Variants in HPSE2 observed in about 807,000 individuals in gnomAD.
HPSE2 encodes the protein inactive heparanase-2.
In HPSE2, 38 loss-of-function variants were observed where a neutral mutation model predicts 60.5. That is an observed-to-expected ratio of 0.63 (90% confidence interval 0.48 to 0.82). HPSE2 has a LOEUF of 0.82. Among genes scored for constraint, HPSE2 ranks in the 40% least tolerant of loss-of-function variants. The pLI, the probability that HPSE2 is intolerant of heterozygous loss-of-function variation, is 0.00. For synonymous variants in HPSE2, 295 were observed against 293.2 expected (o/e 1.01, Z -0.06); for missense variants, 713 against 740.4 (o/e 0.96, Z 0.43).
chr10:98,970,687 T>C (rs901234139), intron 3 of HPSE2, among the ~76,000 whole-genome samples: 1 of 152,180 alleles, frequency 6.6e-6, no homozygotes, highest in East Asian at 1.9e-4. Context: ...ACTTTTCTGA[T>C]TGTATCAAGT....
At chr10:98,964,531 T>C (rs1274222459) in intron 3 of HPSE2, among the ~76,000 whole-genome samples, 1 of 152,146 alleles carries the variant, frequency 6.6e-6, no homozygotes, top group East Asian at 1.9e-4. Flanking sequence ...AGAATTCCTC[T>C]AGTTTGGTTT....
chr10:98,825,571 C>CAA (rs1266768570), intron 3 of HPSE2, among the ~76,000 whole-genome samples: 1 of 127,958 alleles, frequency 7.8e-6, no homozygotes, highest in Non-Finnish European at 1.6e-5. Flanking sequence ...TTCTCTGACA[C>CAA]ACTGGTGCTT....
chr10:99,194,298 A>G (rs906249609), intron 2 of HPSE2, among the ~76,000 whole-genome samples: 1 of 151,920 alleles, frequency 6.6e-6, no homozygotes, highest in Non-Finnish European at 1.5e-5. Flanking sequence ...AGTCTGTAGC[A>G]ATAAATACCT....
intron 5 of HPSE2, 135 bp from the exon 6 acceptor site, chr10:98,694,082 C>G: frequency 1.4e-6 from 1 of 737,536 alleles, no homozygotes; most frequent in Non-Finnish European, 2.4e-6. Flanking sequence ...TCCATAGCCA[C>G]AATCATGGCC....
the HPSE2 span, among the ~76,000 whole-genome samples, chr10:99,294,377 C>T: frequency 4.2e-5 from 6 of 144,390 alleles, no homozygotes; most frequent in South Asian, 1.1e-3. Context: ...GTATATAATA[C>T]ATACATATAT....
intron 3 of HPSE2, among the ~76,000 whole-genome samples, chr10:98,924,909 C>G (rs1161636196): frequency 6.6e-6 from 1 of 152,182 alleles, no homozygotes; most frequent in East Asian, 1.9e-4. Flanking sequence ...GGATGGGTGA[C>G]CCCCCTCTGG....
At chr10:99,248,810 G>A in the HPSE2 span, among the ~76,000 whole-genome samples, 3 of 152,190 alleles carry the variant, frequency 2.0e-5, no homozygotes, top group Non-Finnish European at 4.4e-5. Context: ...ACCTCAGGAC[G>A]CTGCTCCCTG....
chr10:98,748,230 G>C (rs376690697), intron 3 of HPSE2, among the ~76,000 whole-genome samples: 7 of 152,224 alleles, frequency 4.6e-5, no homozygotes, highest in African/African-American at 1.4e-4. Context: ...GCTTGAACCT[G>C]GGAGGTGGAG....
At chr10:98,749,942 A>ATC (rs1949716863) in intron 3 of HPSE2, among the ~76,000 whole-genome samples, 1 of 85,168 alleles carries the variant, frequency 1.2e-5, no homozygotes, top group Non-Finnish European at 2.6e-5. Flanking sequence ...ATATATATAT[A>ATC]TATATACACA....
chr10:99,307,572 C>T, the HPSE2 span, among the ~76,000 whole-genome samples: 1 of 152,274 alleles, frequency 6.6e-6, no homozygotes, highest in Admixed American at 6.5e-5. Flanking sequence ...GCTTCTGCTT[C>T]TGCTGGCTAG....
At chr10:98,901,443 G>T (rs981630680) in intron 3 of HPSE2, among the ~76,000 whole-genome samples, 4 of 152,174 alleles carry the variant, frequency 2.6e-5, no homozygotes, top group African/African-American at 9.6e-5. Flanking sequence ...CCAACTGAAT[G>T]CAAATACATT....
At chr10:98,663,270 T>A (rs1947273126) in intron 6 of HPSE2, among the ~76,000 whole-genome samples, 1 of 152,144 alleles carries the variant, frequency 6.6e-6, no homozygotes, top group Admixed American at 6.5e-5. Flanking sequence ...ATAAGAGACA[T>A]GGAACTTATA....
At chr10:98,988,099 C>T (rs1480033501) in intron 3 of HPSE2, among the ~76,000 whole-genome samples, 2 of 152,208 alleles carry the variant, frequency 1.3e-5, no homozygotes, top group African/African-American at 4.8e-5. Context: ...AATGCCATCC[C>T]CATCAAGCTA....
chr10:99,244,387 TA>T, the HPSE2 span, among the ~76,000 whole-genome samples: 2,152 of 131,848 alleles, frequency 0.016, 20 homozygotes, highest in Non-Finnish European at 0.022. Flanking sequence ...TTTCTTTTAT[TA>T]TTATTATTAT....
chr10:98,878,866 C>T (rs542511367), intron 3 of HPSE2, among the ~76,000 whole-genome samples: 62 of 151,756 alleles, frequency 4.1e-4, no homozygotes, highest in African/African-American at 1.3e-3. Flanking sequence ...CCCCAATAAA[C>T]GATTATAGAG....
chr10:99,102,539 A>C lies in HPSE2; in HGVS notation c.610+41699T>G, dbSNP rs192787226. Among the ~76,000 whole-genome samples, 31 of 152,360 alleles carry C rather than the reference A, an allele frequency of 2.0e-4. 1 individual carries two copies. In the East Asian group the frequency reaches 6.0e-3, roughly 29 times the overall value. On this transcript the variant is annotated intron_variant, in intron 3 of 11. Coordinates refer to ENST00000370552, the MANE Select transcript of HPSE2 (RefSeq NM_021828.5). The stretch of plus-strand genomic sequence containing the variant: ...CAGGACCAGATGGATTCACAGCCGA[A>C]TTCTACCAGCGGTACAAGGAGGAGC...
chr10:99,222,190 G>A (rs1316879364), intron 2 of HPSE2, among the ~76,000 whole-genome samples: 2 of 152,108 alleles, frequency 1.3e-5, no homozygotes, highest in East Asian at 3.9e-4. Context: ...GTGCTGCTAT[G>A]TTATAACAGG....
intron 9 of HPSE2, among the ~76,000 whole-genome samples, chr10:98,563,064 C>T (rs1173267907): frequency 2.0e-5 from 3 of 152,130 alleles, no homozygotes; most frequent in African/African-American, 7.2e-5. Flanking sequence ...ATGACCTAGC[C>T]GTTTCACTCT....
intron 3 of HPSE2, among the ~76,000 whole-genome samples, chr10:98,985,507 G>C (rs1236312848): frequency 6.6e-6 from 1 of 152,142 alleles, no homozygotes; most frequent in Non-Finnish European, 1.5e-5. Context: ...AACATGGAAA[G>C]GAACAACCAG....
Sources: allele counts gnomAD v4.1 joint callset (sites outside exome capture counted in the v4.1 genomes callset), GRCh38; gene constraint gnomAD v4.1.1; transcripts MANE v1.5; gene names NCBI Gene and HGNC (gene_info 2026-07-23, HGNC 2026-07-21).